Variants in OPCML observed in about 807,000 individuals in gnomAD.
OPCML encodes opioid binding protein/cell adhesion molecule like, also known as opioid-binding protein/cell adhesion molecule.
Under a neutral mutation model 37.8 loss-of-function variants are expected in OPCML, and 13 were observed. The ratio of observed to expected loss-of-function variants is 0.34; its 90% CI spans 0.22 to 0.55. The LOEUF (loss-of-function observed/expected upper bound fraction) is 0.55. Ranked by LOEUF, OPCML falls within the 20% of genes least tolerant of loss-of-function variation. The probability of loss-of-function intolerance (pLI) is 0.91; values close to 1 mark genes in which losing one functional copy is unlikely to be tolerated. For missense variants in OPCML, 341 were observed against 435.6 expected, an observed-to-expected ratio of 0.78 and a Z score of 1.93; for synonymous variants, 176 against 168.8, an observed-to-expected ratio of 1.04 and a Z score of -0.33.
At chr11:133,430,514 G>C (rs1382967375) in intron 1 of OPCML, among the ~76,000 whole-genome samples, 6 of 152,256 alleles carry the variant, frequency 3.9e-5, no homozygotes, top group African/African-American at 1.4e-4. Context: ...TGTTGGGATG[G>C]GGATGGATAA....
chr11:133,282,024 CA>C (rs368951941), intron 1 of OPCML, among the ~76,000 whole-genome samples: 2,861 of 150,854 alleles, frequency 0.019, 89 homozygotes, highest in African/African-American at 0.064. Context: ...ACAACAACAA[CA>C]AAAAAAAACT....
At chr11:132,652,818 A>G (rs1333070887) in intron 3 of OPCML, among the ~76,000 whole-genome samples, 1 of 152,094 alleles carries the variant, frequency 6.6e-6, no homozygotes, top group Non-Finnish European at 1.5e-5. Flanking sequence ...CTTCCCTGCC[A>G]CCTGTATCTG....
intron 1 of OPCML, among the ~76,000 whole-genome samples, chr11:133,516,296 T>A (rs1446597495): frequency 6.6e-6 from 1 of 152,148 alleles, no homozygotes. Flanking sequence ...TCCACTGCGT[T>A]CTGTTATGGC....
intron 2 of OPCML, among the ~76,000 whole-genome samples, chr11:132,677,010 AC>A (rs759572144): frequency 1.3e-5 from 2 of 152,052 alleles, no homozygotes; most frequent in Non-Finnish European, 2.9e-5. Flanking sequence ...GAAATAAATG[AC>A]CAAAAAATCC....
intron 1 of OPCML, among the ~76,000 whole-genome samples, chr11:133,054,875 A>G (rs934898830): frequency 2.6e-5 from 4 of 151,958 alleles, no homozygotes; most frequent in South Asian, 2.1e-4. Flanking sequence ...TGCTGCCTCC[A>G]TGATACTTCC....
At chr11:133,374,217 A>T (rs1366679676) in intron 1 of OPCML, among the ~76,000 whole-genome samples, 1 of 152,184 alleles carries the variant, frequency 6.6e-6, no homozygotes, top group African/African-American at 2.4e-5. Flanking sequence ...ATGTTCAATG[A>T]AAAAAAGCCA....
intron 1 of OPCML, among the ~76,000 whole-genome samples, chr11:133,151,625 T>C (rs1949988415): frequency 6.6e-6 from 1 of 152,152 alleles, no homozygotes; most frequent in Non-Finnish European, 1.5e-5. Context: ...GAGAAATACA[T>C]CTTCACTAGT....
chr11:132,615,158 T>C (rs1291994954), intron 3 of OPCML, among the ~76,000 whole-genome samples: 4 of 152,190 alleles, frequency 2.6e-5, no homozygotes, highest in Non-Finnish European at 5.9e-5. Context: ...GCAGAGGAGA[T>C]AGCTCAAAAA....
chr11:133,319,843 C>G (rs965744478), intron 1 of OPCML, among the ~76,000 whole-genome samples: 15 of 152,168 alleles, frequency 9.9e-5, no homozygotes, highest in African/African-American at 3.6e-4. Flanking sequence ...ACAAAATGAC[C>G]CTGTGGCTCC....
intron 1 of OPCML, chr11:133,422,914 A>C: frequency 1.0e-6 from 1 of 979,624 alleles, no homozygotes; most frequent in Non-Finnish European, 1.2e-6. Context: ...TCACCAGAAA[A>C]TAGCTGGTAG....
intron 2 of OPCML, among the ~76,000 whole-genome samples, chr11:132,784,792 C>T (rs1441378110): frequency 6.6e-6 from 1 of 152,180 alleles, no homozygotes; most frequent in African/African-American, 2.4e-5. Flanking sequence ...TGCTCCTGCT[C>T]TTGCCATGTA....
At chr11:133,476,189 C>G (rs371587300) in intron 1 of OPCML, among the ~76,000 whole-genome samples, 1 of 152,160 alleles carries the variant, frequency 6.6e-6, no homozygotes, top group African/African-American at 2.4e-5. Context: ...CATACAGGCT[C>G]ATCCTCTGGG....
At chr11:132,607,269 T>G (rs950288362) in intron 3 of OPCML, among the ~76,000 whole-genome samples, 23 of 152,368 alleles carry the variant, frequency 1.5e-4, no homozygotes, top group Non-Finnish European at 8.8e-5. Context: ...GGGAAGAGGA[T>G]GCTCACTGTG....
At chr11:132,830,454 A>G (rs1326833685) in intron 2 of OPCML, among the ~76,000 whole-genome samples, 1 of 152,200 alleles carries the variant, frequency 6.6e-6, no homozygotes, top group East Asian at 1.9e-4. Context: ...TTGATTAACC[A>G]GCTCACAGCA....
chr11:132,688,147 C>T (rs1331224914), intron 2 of OPCML, among the ~76,000 whole-genome samples: 1 of 151,298 alleles, frequency 6.6e-6, no homozygotes, highest in African/African-American at 2.4e-5. Flanking sequence ...ATAATTCCGG[C>T]TTTTCTGTTT....
At chr11:133,081,253 T>G (rs183711000) in intron 1 of OPCML, among the ~76,000 whole-genome samples, 169 of 152,156 alleles carry the variant, frequency 1.1e-3, no homozygotes, top group Non-Finnish European at 2.0e-3. Context: ...CTTTGAACAG[T>G]TAATTCTCCG....
chr11:133,084,098 T>G (rs112791151), intron 1 of OPCML, among the ~76,000 whole-genome samples: 1,613 of 152,190 alleles, frequency 0.011, 23 homozygotes, highest in African/African-American at 0.031. Flanking sequence ...GCGGAGACTG[T>G]ATTGTGCATT....
chr11:133,507,543 G>A (rs1948061544), intron 1 of OPCML, among the ~76,000 whole-genome samples: 1 of 152,166 alleles, frequency 6.6e-6, no homozygotes, highest in Non-Finnish European at 1.5e-5. Context: ...CAGGTCGTAA[G>A]CACTGACTCT....
At chr11:133,382,563 G>A (rs138750285) in intron 1 of OPCML, among the ~76,000 whole-genome samples, 324 of 152,280 alleles carry the variant, frequency 2.1e-3, no homozygotes, top group Non-Finnish European at 3.6e-3. Context: ...AGAAAGCCCC[G>A]ATTTATTGCT....
Sources: gnomAD v4.1 joint callset for allele counts (sites outside exome capture counted in the v4.1 genomes callset) on GRCh38, gnomAD v4.1.1 for gene constraint, MANE v1.5 for transcripts, NCBI Gene and HGNC (gene_info 2026-07-23, HGNC 2026-07-21) for gene names.